Variants in EYS observed in about 807,000 individuals in gnomAD.
EYS encodes the protein protein eyes shut homolog.
In EYS, 250 loss-of-function variants were observed where a neutral mutation model predicts 282.1. The observed-to-expected ratio is 0.89, with a 90% CI of 0.80 to 0.98. The LOEUF is 0.98. EYS is among the 50% of genes least tolerant of loss of function. The probability of loss-of-function intolerance (pLI) is 0.00; values close to 1 mark genes in which losing one functional copy is unlikely to be tolerated. For synonymous variants in EYS, 1,355 were observed against 1,282.9 expected (o/e 1.06, Z -1.20); for missense variants, 4,016 against 3,709.0 (o/e 1.08, Z -2.15).
intron 12 of EYS, among the ~76,000 whole-genome samples, chr6:65,125,516 T>C (rs1308840978): frequency 6.6e-6 from 1 of 152,200 alleles, no homozygotes; most frequent in Non-Finnish European, 1.5e-5. Context: ...TCTATTTCAA[T>C]GTTACCAATG....
intron 30 of EYS, among the ~76,000 whole-genome samples, chr6:64,268,835 A>G (rs1032976479): frequency 2.0e-5 from 3 of 152,134 alleles, no homozygotes; most frequent in African/African-American, 7.2e-5. Context: ...TTGTATTTGG[A>G]GATTTGCCAT....
chr6:65,128,184 GA>G (rs1775773240), intron 12 of EYS, among the ~76,000 whole-genome samples: 2 of 151,804 alleles, frequency 1.3e-5, no homozygotes, highest in South Asian at 4.1e-4. Flanking sequence ...GATCAAGGTA[GA>G]AAAAGAAAAA....
intron 26 of EYS, among the ~76,000 whole-genome samples, chr6:64,577,233 T>A (rs776407781): frequency 5.3e-5 from 8 of 152,102 alleles, no homozygotes; most frequent in Non-Finnish European, 1.2e-4. Context: ...TGGTATTTTA[T>A]TGTGGCAGAC....
At chr6:63,964,151 A>G (rs1047781756) in intron 35 of EYS, among the ~76,000 whole-genome samples, 2 of 152,126 alleles carry the variant, frequency 1.3e-5, no homozygotes, top group African/African-American at 2.4e-5. Context: ...TGAAATACTT[A>G]TGTATTCTCA....
chr6:64,007,666 C>A (rs1342141587), intron 33 of EYS, among the ~76,000 whole-genome samples: 1 of 152,088 alleles, frequency 6.6e-6, no homozygotes, highest in African/African-American at 2.4e-5. Context: ...AGCTGTGCCC[C>A]AGGAATTCTT....
intron 33 of EYS, among the ~76,000 whole-genome samples, chr6:64,038,833 C>A (rs1770247978): frequency 1.3e-5 from 2 of 150,714 alleles, no homozygotes; most frequent in Non-Finnish European, 2.9e-5. Flanking sequence ...GAGACGGAGT[C>A]TCGCTCTGTA....
At chr6:64,794,790 T>C (rs1280973624) in intron 22 of EYS, among the ~76,000 whole-genome samples, 2 of 152,154 alleles carry the variant, frequency 1.3e-5, no homozygotes, top group African/African-American at 4.8e-5. Flanking sequence ...TCAATTCCCA[T>C]TACTATGATT....
intron 30 of EYS, among the ~76,000 whole-genome samples, chr6:64,283,681 T>C (rs1294231076): frequency 2.0e-5 from 3 of 152,166 alleles, no homozygotes; most frequent in African/African-American, 7.2e-5. Context: ...GTTTTCATGC[T>C]GCTGATAAAG....
intron 2 of EYS, among the ~76,000 whole-genome samples, chr6:65,545,309 T>C (rs771590158): frequency 3.9e-5 from 6 of 152,036 alleles, no homozygotes; most frequent in Admixed American, 1.3e-4. Context: ...TTAGAATATA[T>C]GACTGGTTGT....
At chr6:64,575,936 A>G (rs143847818) in intron 26 of EYS, among the ~76,000 whole-genome samples, 2,355 of 152,222 alleles carry the variant, frequency 0.015, 58 homozygotes, top group African/African-American at 0.055. Context: ...AAATGACTGC[A>G]CAAAATTAGT....
At chr6:65,267,426 TATAAG>T (rs1374046314) in intron 12 of EYS, among the ~76,000 whole-genome samples, 1 of 151,940 alleles carries the variant, frequency 6.6e-6, no homozygotes, top group Non-Finnish European at 1.5e-5. Context: ...GCACAGTCTT[TATAAG>T]ATATTTAATT....
At chr6:64,083,145 G>A (rs373205004) in intron 31 of EYS, among the ~76,000 whole-genome samples, 37 of 152,204 alleles carry the variant, frequency 2.4e-4, no homozygotes, top group African/African-American at 8.7e-4. Context: ...CTGAGCTCAA[G>A]CAATCTGCCC....
At chr6:64,955,207 A>G (rs1769656544) in intron 14 of EYS, among the ~76,000 whole-genome samples, 1 of 152,086 alleles carries the variant, frequency 6.6e-6, no homozygotes, top group South Asian at 2.1e-4. Flanking sequence ...ACCAACAAAA[A>G]AAAAATCTTA....
intron 1 of EYS, among the ~76,000 whole-genome samples, chr6:65,661,729 A>G (rs185082057): frequency 2.0e-4 from 31 of 152,218 alleles, no homozygotes; most frequent in African/African-American, 7.5e-4. Context: ...ACTTCTCCCA[A>G]GCAGTTTTAG....
chr6:64,492,581 G>A (rs968704875), intron 26 of EYS, among the ~76,000 whole-genome samples: 7 of 151,138 alleles, frequency 4.6e-5, no homozygotes, highest in Admixed American at 2.6e-4. Flanking sequence ...TAGTCATGAC[G>A]AAGACAAGGA....
At chr6:64,768,733 T>G (rs1199841594) in intron 22 of EYS, among the ~76,000 whole-genome samples, 1 of 152,118 alleles carries the variant, frequency 6.6e-6, no homozygotes, top group Non-Finnish European at 1.5e-5. Context: ...TTTTGGAGTT[T>G]GAGAAAAATC....
intron 33 of EYS, among the ~76,000 whole-genome samples, chr6:64,048,792 G>C (rs1246738034): frequency 6.6e-6 from 1 of 151,624 alleles, no homozygotes; most frequent in East Asian, 1.9e-4. Context: ...CTTCTTAAAA[G>C]AAGGAACCAC....
intron 12 of EYS, among the ~76,000 whole-genome samples, chr6:65,275,219 A>G (rs1308318400): frequency 6.6e-6 from 1 of 152,178 alleles, no homozygotes; most frequent in Non-Finnish European, 1.5e-5. Flanking sequence ...AAATCTTGCC[A>G]TCCGCTGTGG....
chr6:64,056,248 G>T (rs139401534), intron 33 of EYS, among the ~76,000 whole-genome samples: 24 of 152,248 alleles, frequency 1.6e-4, no homozygotes, highest in African/African-American at 5.1e-4. Context: ...GACCTAAGAT[G>T]CAGTTATTAA....
Sources: allele counts gnomAD v4.1 joint callset (sites outside exome capture counted in the v4.1 genomes callset), GRCh38; gene constraint gnomAD v4.1.1; transcripts MANE v1.5; gene names NCBI Gene and HGNC (gene_info 2026-07-23, HGNC 2026-07-21).